COL22A1: variants seen among roughly 807,000 people sequenced by gnomAD.
COL22A1 encodes the protein collagen type XXII alpha 1 chain, also known as collagen alpha-1(XXII) chain.
A neutral mutation model predicts 248.9 loss-of-function variants in COL22A1; 221 were observed. That is an observed-to-expected ratio of 0.89 (90% CI 0.80 to 0.99). The LOEUF (loss-of-function observed/expected upper bound fraction) is 0.99, where lower values mean the gene tolerates loss of function less well. COL22A1 is among the 50% of genes least tolerant of loss of function. The probability of loss-of-function intolerance (pLI) is 0.00; values close to 1 mark genes in which losing one functional copy is unlikely to be tolerated. For synonymous variants in COL22A1, 891 were observed against 793.4 expected, an observed-to-expected ratio of 1.12 and a Z score of -2.07; for missense variants, 2,240 against 2,179.0, an observed-to-expected ratio of 1.03 and a Z score of -0.56.
At chr8:138,803,637 C>A (rs906409114) in intron 10 of COL22A1, among the ~76,000 whole-genome samples, 2 of 152,146 alleles carry the variant, frequency 1.3e-5, no homozygotes, top group African/African-American at 4.8e-5. Flanking sequence ...TCATAACTGT[C>A]CAGGAGGAGA....
At chr8:138,867,883 G>T (rs1186973340) in intron 3 of COL22A1, among the ~76,000 whole-genome samples, 1 of 152,150 alleles carries the variant, frequency 6.6e-6, no homozygotes, top group East Asian at 1.9e-4. Context: ...TCGTGCCTCA[G>T]CCTCCTGAGC....
At chr8:138,723,131 C>T (rs1361881124) in intron 25 of COL22A1, among the ~76,000 whole-genome samples, 1 of 152,164 alleles carries the variant, frequency 6.6e-6, no homozygotes, top group African/African-American at 2.4e-5. Flanking sequence ...ATCATTTCCC[C>T]CAGCGGAATA....
chr8:138,679,780 T>C (rs1825823010), intron 39 of COL22A1, 104 bp from the exon 40 acceptor site: 1 of 1,029,420 alleles, frequency 9.7e-7, no homozygotes, highest in South Asian at 1.3e-5. Context: ...TGCATCTCTG[T>C]ATCCACAGTG....
chr8:138,663,581 G>A, intron 42 of COL22A1, 124 bp downstream of exon 42: 2 of 777,338 alleles, frequency 2.6e-6, no homozygotes, highest in Admixed American at 1.8e-5. Context: ...AGTCTGCACT[G>A]TTCAATAATA....
At chr8:138,863,735 C>A (rs933066105) in intron 3 of COL22A1, among the ~76,000 whole-genome samples, 1 of 152,110 alleles carries the variant, frequency 6.6e-6, no homozygotes. Flanking sequence ...CTCTGGTTAA[C>A]CCCTCTCTGA....
intron 1 of COL22A1, among the ~76,000 whole-genome samples, chr8:138,907,849 C>G (rs1815139570): frequency 6.6e-6 from 1 of 152,194 alleles, no homozygotes; most frequent in Non-Finnish European, 1.5e-5. Context: ...AAGAACTAAC[C>G]TGTTCCTACA....
Position 138,613,876 on chromosome 8 carries a change from C to T in COL22A1, c.3969G>A (p.Arg1323=). Residue 1323 remains arginine, a synonymous_variant, in exon 56 of 65, where the codon AGG becomes AGA. Coordinates refer to ENST00000303045, the MANE Select transcript of COL22A1 (RefSeq NM_152888.3). ...PTGPQGPQGP[R]GPPGKNGSPG... ...GCAAAGCAAAACTCACCGGTGGGCC[C>T]CTTGGTCCTTGGGGACCCTGTGGCC... 2 of 1,613,924 alleles carry T rather than the reference C, an allele frequency of 1.2e-6. No homozygotes were observed. The highest frequency in any genetic ancestry group is 1.7e-6 in the Non-Finnish European group (2 of 1,179,790).
At chr8:138,653,874 G>C (rs1822974934) in intron 45 of COL22A1, among the ~76,000 whole-genome samples, 1 of 152,080 alleles carries the variant, frequency 6.6e-6, no homozygotes, top group African/African-American at 2.4e-5. Flanking sequence ...CCCAGACCTG[G>C]CCAAATCCAC....
chr8:138,844,287 G>A (rs1164634367), intron 3 of COL22A1, 129 bp from the exon 4 acceptor site: 11 of 802,126 alleles, frequency 1.4e-5, no homozygotes, highest in Non-Finnish European at 2.2e-6. Flanking sequence ...TGGAGAAGAT[G>A]CAGAGGCAGC....
chr8:138,685,170 G>A lies in COL22A1; in HGVS notation c.2967+38C>T, dbSNP rs377107720. 16 of 1,348,928 alleles carry A rather than the reference G, an allele frequency of 1.2e-5. No homozygotes were observed. In the African/African-American group the frequency reaches 1.9e-4, roughly 16 times the overall value. The allele number at this position is 1,348,928 out of a possible 1,614,324, so 83.6% of individuals were successfully genotyped here. On this transcript the variant is annotated intron_variant, in intron 38 of 64. Transcript: ENST00000303045. ...CTTTTCCTTCTCTAATTTTCACCTGGTTTCTACAGGCACTGGGACCCCCGA... is the reference window on the plus strand; with the variant it reads ...CTTTTCCTTCTCTAATTTTCACCTGATTTCTACAGGCACTGGGACCCCCGA...
chr8:138,899,117 C>G (rs1814348353), intron 1 of COL22A1, among the ~76,000 whole-genome samples: 1 of 152,152 alleles, frequency 6.6e-6, no homozygotes, highest in Non-Finnish European at 1.5e-5. Flanking sequence ...TGCTTTCTCT[C>G]TTCTTCTTCC....
chr8:138,630,843 G>A (rs913755123), intron 49 of COL22A1, 95 bp from the exon 50 acceptor site: 1 of 1,080,220 alleles, frequency 9.3e-7, no homozygotes, highest in Non-Finnish European at 1.4e-6. Context: ...GATATGGTTG[G>A]TTATCTGTCC....
intron 45 of COL22A1, among the ~76,000 whole-genome samples, chr8:138,653,353 G>C (rs973681096): frequency 1.3e-5 from 2 of 152,132 alleles, no homozygotes; most frequent in Admixed American, 1.3e-4. Flanking sequence ...AGGAAGTTCT[G>C]GCTCACGTAA....
chr8:138,653,723 C>A (rs1413045547), intron 45 of COL22A1, among the ~76,000 whole-genome samples: 1 of 152,140 alleles, frequency 6.6e-6, no homozygotes, highest in Non-Finnish European at 1.5e-5. Flanking sequence ...GGGGCAGAGA[C>A]AAATGTTCTG....
At chr8:138,754,282 C>T (rs899329801) in intron 21 of COL22A1, among the ~76,000 whole-genome samples, 9 of 152,028 alleles carry the variant, frequency 5.9e-5, no homozygotes, top group African/African-American at 9.7e-5. Context: ...GTGGGCAGCT[C>T]TGGAAACCGA....
chr8:138,653,335 T>C (rs536352507), intron 45 of COL22A1, among the ~76,000 whole-genome samples: 1 of 152,168 alleles, frequency 6.6e-6, no homozygotes, highest in South Asian at 2.1e-4. Context: ...CTTCATCAGA[T>C]AGCTGTCAGG....
intron 19 of COL22A1, 31 bp downstream of exon 19, chr8:138,755,754 G>T (rs771502744): frequency 4.3e-6 from 7 of 1,611,542 alleles, no homozygotes; most frequent in Non-Finnish European, 5.9e-6. Flanking sequence ...ACCAGCACCT[G>T]CATCCATGAT....
intron 35 of COL22A1, among the ~76,000 whole-genome samples, chr8:138,692,565 C>T (rs1302277361): frequency 1.3e-5 from 2 of 151,340 alleles, no homozygotes; most frequent in Admixed American, 6.6e-5. Flanking sequence ...ACTTGATGGC[C>T]GGGCAATGAT....
intron 10 of COL22A1, among the ~76,000 whole-genome samples, chr8:138,803,135 G>A (rs1358524791): frequency 6.6e-6 from 1 of 152,144 alleles, no homozygotes; most frequent in East Asian, 1.9e-4. Context: ...ACAATTCCAG[G>A]AACCACGGAC....
Sources: allele counts gnomAD v4.1 joint callset (sites outside exome capture counted in the v4.1 genomes callset), GRCh38; gene constraint gnomAD v4.1.1; transcripts MANE v1.5; gene names NCBI Gene and HGNC (gene_info 2026-07-23, HGNC 2026-07-21).